Variants in TMEM223 observed in about 807,000 individuals in gnomAD.
TMEM223 encodes the protein transmembrane protein 223.
Under a neutral mutation model 14.1 loss-of-function variants are expected in TMEM223, and 14 were observed. That is an observed-to-expected ratio of 0.99 (90% CI 0.66 to 1.55). The LOEUF (loss-of-function observed/expected upper bound fraction) is 1.55. Among genes scored for constraint, TMEM223 ranks in the 40% most tolerant of loss-of-function variants. The probability of loss-of-function intolerance (pLI) is 0.00; values close to 1 mark genes in which losing one functional copy is unlikely to be tolerated. For missense variants in TMEM223, 346 were observed against 269.9 expected (o/e 1.28, Z -1.97); for synonymous variants, 145 against 120.5 (o/e 1.20, Z -1.33).
At chr11:62,787,556 C>T (rs772948326), downstream of TMEM223, 29 of 1,518,908 alleles carry the variant, frequency 1.9e-5, no homozygotes, top group East Asian at 2.9e-4. Context: ...GTCAGGTAGG[C>T]GGGGGAGCTG....
At chr11:62,787,596 G>C (rs189529908), downstream of TMEM223, 8 of 1,440,150 alleles carry the variant, frequency 5.6e-6, no homozygotes, top group Non-Finnish European at 7.3e-6. Context: ...GGCCACTTTC[G>C]CTTTCCGACC....
downstream of TMEM223, chr11:62,786,500 G>C (rs890636739): frequency 6.4e-7 from 1 of 1,568,680 alleles, no homozygotes; most frequent in African/African-American, 1.4e-5. Flanking sequence ...GCCTATCTTA[G>C]TCCTTGGCTC....
intron 1 of TMEM223, among the ~76,000 whole-genome samples, chr11:62,775,186 C>A (rs1036120741): frequency 6.6e-6 from 1 of 151,998 alleles, no homozygotes; most frequent in African/African-American, 2.4e-5. Flanking sequence ...ACATGTCTTT[C>A]TTCATGTGGC....
chr11:62,772,747 G>A (rs1426124482), intron 2 of TMEM223, among the ~76,000 whole-genome samples: 11 of 148,698 alleles, frequency 7.4e-5, no homozygotes, highest in African/African-American at 2.0e-4. Flanking sequence ...TTAGTGAGCC[G>A]AGATCAAGCC....
rs781136892 is a variant in TMEM223 at position 62,790,021 on chromosome 11, G to T, written c.*602C>A. ...GTGGAGCTCTGAGACAGATGCTCTC[G>T]TTGGGTCACGCCTTTCCCATTCCTG... On this transcript the variant is annotated 3_prime_UTR_variant, in exon 2 of 2. Coordinates refer to ENST00000307366, the MANE Select transcript of TMEM223 (RefSeq NM_001080501.3). 6 of 1,613,478 alleles carry T rather than the reference G, an allele frequency of 3.7e-6. No homozygotes were observed. Among genetic ancestry groups the T allele is most frequent in the African/African-American group, 1.3e-5 (1 of 75,014 alleles).
At chr11:62,789,176 T>C, downstream of TMEM223, 1 of 1,614,178 alleles carries the variant, frequency 6.2e-7, no homozygotes, top group Non-Finnish European at 8.5e-7. Flanking sequence ...TTTGCTCTTC[T>C]GGATCTACAG....
intron 1 of TMEM223, chr11:62,782,339 C>T (rs1209894450): frequency 6.2e-7 from 1 of 1,612,728 alleles, no homozygotes; most frequent in Admixed American, 1.7e-5. Context: ...TTCTGGTAGC[C>T]ACTGGGCCTA....
At chr11:62,789,464 T>C (rs1404750176), downstream of TMEM223, 1 of 1,613,248 alleles carries the variant, frequency 6.2e-7, no homozygotes, top group African/African-American at 1.3e-5. Flanking sequence ...TGGGGCTGAC[T>C]ACCTTCCCTC....
At chr11:62,773,573 G>A (rs567933196) in intron 2 of TMEM223, among the ~76,000 whole-genome samples, 17 of 151,924 alleles carry the variant, frequency 1.1e-4, no homozygotes, top group South Asian at 2.1e-4. Flanking sequence ...TCAGCCTTGC[G>A]AGTAGCTGGG....
intron 1 of TMEM223, among the ~76,000 whole-genome samples, chr11:62,779,952 C>CTACATATATA (rs1554996873): frequency 2.0e-5 from 2 of 100,054 alleles, no homozygotes; most frequent in Non-Finnish European, 3.7e-5. Context: ...AGGCGTGAGC[C>CTACATATATA]TATATATATA....
chr11:62,774,381 T>G (rs2084170435), intron 2 of TMEM223, among the ~76,000 whole-genome samples: 1 of 152,090 alleles, frequency 6.6e-6, no homozygotes, highest in African/African-American at 2.4e-5. Flanking sequence ...CGGCCCAAAT[T>G]TGTTCTTTAT....
intron 1 of TMEM223, among the ~76,000 whole-genome samples, chr11:62,781,252 G>GAA (rs780196135): frequency 4.0e-5 from 6 of 149,096 alleles, no homozygotes; most frequent in African/African-American, 1.5e-4. Context: ...AAAAAAAAAA[G>GAA]AAAAAGAAAC....
At chr11:62,771,615 A>G (rs1215684915), downstream of TMEM223, 1 of 168,116 alleles carries the variant, frequency 5.9e-6, no homozygotes, top group Non-Finnish European at 1.3e-5. Flanking sequence ...AAGTTCAGTG[A>G]CCCCTGACCT....
chr11:62,773,619 G>T (rs1198746782), intron 2 of TMEM223, among the ~76,000 whole-genome samples: 6 of 151,728 alleles, frequency 4.0e-5, no homozygotes, highest in Admixed American at 3.9e-4. Context: ...GGCTAATTTT[G>T]TATTTGTAGT....
At chr11:62,782,110 C>G (rs1280725881) in intron 1 of TMEM223, 1 of 1,601,186 alleles carries the variant, frequency 6.2e-7, no homozygotes, top group Admixed American at 1.7e-5. Context: ...CTTCTCCCAA[C>G]AGGTGAAATC....
intron 1 of TMEM223, chr11:62,778,203 G>A: frequency 6.2e-7 from 1 of 1,613,526 alleles, no homozygotes; most frequent in Non-Finnish European, 8.5e-7. Flanking sequence ...GCTGGCTGGT[G>A]GAAGAGGCAG....
intron 1 of TMEM223, among the ~76,000 whole-genome samples, chr11:62,779,952 CTA>C (rs1225374367): frequency 0.018 from 1,812 of 99,998 alleles, 109 homozygotes; most frequent in African/African-American, 0.066. Flanking sequence ...AGGCGTGAGC[CTA>C]TATATATATA....
At chr11:62,786,333 C>G, downstream of TMEM223, 1 of 1,614,180 alleles carries the variant, frequency 6.2e-7, no homozygotes, top group African/African-American at 1.3e-5. Context: ...GATGATTATT[C>G]AGTATCTAAT....
At chr11:62,789,784 G>A (rs1350939047), downstream of TMEM223, 3 of 1,522,180 alleles carry the variant, frequency 2.0e-6, no homozygotes, top group African/African-American at 2.8e-5. Context: ...GAGCTGAAGG[G>A]GTTGTCAGCT....
Sources: allele counts gnomAD v4.1 joint callset (sites outside exome capture counted in the v4.1 genomes callset), GRCh38; gene constraint gnomAD v4.1.1; transcripts MANE v1.5; gene names NCBI Gene and HGNC (gene_info 2026-07-23, HGNC 2026-07-21).